The following ASXL1 variants were observed in gnomAD, a reference collection of about 807,000 sequenced individuals.
ASXL1 encodes the protein ASXL transcriptional regulator 1, also known as polycomb group protein ASXL1.
Under a neutral mutation model 89.1 loss-of-function variants are expected in ASXL1, and 65 were observed. The ratio of observed to expected loss-of-function variants is 0.73; its 90% confidence interval spans 0.60 to 0.90. The LOEUF (loss-of-function observed/expected upper bound fraction) is 0.90. ASXL1 is among the 40% of genes least tolerant of loss of function. The pLI is 0.00. For missense variants in ASXL1, 1,786 were observed against 1,942.9 expected (o/e 0.92, Z 1.52); for synonymous variants, 739 against 746.9 (o/e 0.99, Z 0.17).
chr20:32,412,043 C>T (rs1484823766), intron 4 of ASXL1, among the ~76,000 whole-genome samples: 1 of 152,144 alleles, frequency 6.6e-6, no homozygotes, highest in African/African-American at 2.4e-5. Context: ...TTTTCCCAGC[C>T]CCACTTCTAG....
At chr20:32,415,293 G>A (rs1025086630) in intron 4 of ASXL1, among the ~76,000 whole-genome samples, 4 of 152,106 alleles carry the variant, frequency 2.6e-5, no homozygotes, top group African/African-American at 9.7e-5. Flanking sequence ...ACAGGTGTGA[G>A]CCACCATGCC....
Position 32,437,553 on chromosome 20 carries a change from C to A in ASXL1, c.*215C>A. 3 of 666,374 alleles carry A rather than the reference C, an allele frequency of 4.5e-6. No homozygotes were observed. The highest frequency in any genetic ancestry group is 7.4e-6 in the Non-Finnish European group (3 of 405,886). The allele number at this position is 666,374 out of a possible 1,614,324, so 41.3% of individuals were successfully genotyped here. Reference sequence around the variant, plus strand: ...CCTGGGTATAACCCATTGGGCTGCCCAAGGCCAGCCAGCCTGAGCTCTCCT... The same window carrying A: ...CCTGGGTATAACCCATTGGGCTGCCAAAGGCCAGCCAGCCTGAGCTCTCCT... On this transcript the variant is annotated 3_prime_UTR_variant, in exon 13 of 13. Transcript: ENST00000375687.
In ASXL1 at chr20:32,439,285, TGTG is replaced by T; in HGVS notation, c.*1950_*1952del. On this transcript the variant is annotated 3_prime_UTR_variant, in exon 13 of 13. Transcript: ENST00000375687. ...GAAAGCACTGCTTCTGTATGTCTCT[TGTG>T]GTATTGGAACAATAAACCCGTACAA... The T allele has an allele frequency of 4.3e-6, 1 of 232,496 alleles. No homozygotes were observed. The highest frequency in any genetic ancestry group is 8.5e-6 in the Non-Finnish European group (1 of 117,330). 14.4% of individuals were successfully genotyped at this position (232,496 alleles called of 1,614,324 possible).
At chr20:32,399,970 C>G (rs890812945) in intron 4 of ASXL1, among the ~76,000 whole-genome samples, 2 of 151,938 alleles carry the variant, frequency 1.3e-5, no homozygotes, top group African/African-American at 4.8e-5. Flanking sequence ...CCATGTTGGC[C>G]AGGCTGGTCT....
intron 4 of ASXL1, among the ~76,000 whole-genome samples, chr20:32,403,004 TTC>T (rs1311608207): frequency 1.3e-5 from 2 of 152,182 alleles, no homozygotes; most frequent in Admixed American, 1.3e-4. Context: ...TAACAAAATT[TTC>T]TCTTTTTTTC....
Position 32,436,151 on chromosome 20 carries a change from C to G in ASXL1, c.3439C>G (p.Leu1147Val). The change falls in exon 13 of 13, where the codon CTA (leucine) becomes GTA (valine). Residue 1147 changes from leucine (L) to valine (V), a missense_variant. Physicochemically the swap from Leu to Val is conservative, Grantham distance 32. This residue lies in a region of ASXL1 where 1,418 missense variants were observed against 1,427.8 expected (regional missense o/e 0.99). Transcript: ENST00000375687. Reference protein sequence around the residue: ...PLTKDQSHGSLRMGSLHGLGK... With the variant: ...PLTKDQSHGSVRMGSLHGLGK... ...TACAAAAGACCAGAGCCATGGCTCG[C>G]TACGCATGGGATCTTTACATGGTCT... The G allele has an allele frequency of 6.2e-7, 1 of 1,614,206 alleles. No homozygotes were observed. The highest frequency in any genetic ancestry group is 8.5e-7 in the Non-Finnish European group (1 of 1,180,036).
In ASXL1 at chr20:32,429,716, A is replaced by G; in HGVS notation, c.566-185A>G. On this transcript the variant is annotated intron_variant, in intron 7 of 12. Coordinates refer to ENST00000375687, the MANE Select transcript of ASXL1 (RefSeq NM_015338.6). This position sits in a 1 kb window ranked among gnomAD's most constrained non-coding sequence, Gnocchi z 4.9. ...ATACAAATAAAGATGGCAGTTTGGC[A>G]CCTGTAAGGTGATATTTTAAAGCCA... 8 of 835,758 alleles carry G rather than the reference A, an allele frequency of 9.6e-6. No individual in the cohort carries two copies. The highest frequency in any genetic ancestry group is 3.7e-4 in the Middle Eastern group (1 of 2,738). The allele number at this position is 835,758 out of a possible 1,614,324, so 51.8% of individuals were successfully genotyped here. A position where few individuals can be genotyped will look rare whatever the true frequency, so the allele number is the denominator to read the frequency against.
At chr20:32,431,778 G>C (rs914509586) in intron 10 of ASXL1, 99 bp downstream of exon 10, 1 of 1,263,912 alleles carries the variant, frequency 7.9e-7, no homozygotes, top group African/African-American at 1.5e-5. Context: ...CTTCTCAAAG[G>C]GTTATTTAGT....
intron 4 of ASXL1, among the ~76,000 whole-genome samples, chr20:32,369,585 G>A (rs1047324291): frequency 6.6e-6 from 1 of 151,808 alleles, no homozygotes. Flanking sequence ...ACTTTGAGGT[G>A]TTCTAATATG....
chr20:32,436,374 C>A lies in ASXL1; in HGVS notation c.3662C>A (p.Thr1221Lys), dbSNP rs545612479. The A allele has an allele frequency of 1.0e-4, 165 of 1,613,734 alleles. 7 individuals are homozygous for A. In the South Asian group the frequency reaches 1.8e-3, roughly 17 times the overall value. ...CTCCATCCAGTGACAAATCCCATTA[C>A]ATCCTCTAGGAAACTGGAAGAAATG... is the stretch of plus-strand genomic sequence containing the variant. Reference protein sequence around the residue: ...DSLHPVTNPITSSRKLEEMDS... With the variant: ...DSLHPVTNPIKSSRKLEEMDS... The change falls in exon 13 of 13, where the codon ACA (threonine) becomes AAA (lysine). Residue 1221 changes from threonine (T) to lysine (K), a missense_variant. Transcript: ENST00000375687.
chr20:32,388,873 T>C lies in ASXL1; in HGVS notation c.252+19750T>C, dbSNP rs186898848. 3.3e-5 allele frequency among the ~76,000 whole-genome samples: 5 copies of C among 152,306 alleles called. No homozygotes were observed. In the East Asian group the frequency reaches 9.6e-4, roughly 29 times the overall value. ...GAATATATTGTTTTTACTTTCCTTG[T>C]TATGAAATATATAATTTATTTTAAA... is the stretch of plus-strand genomic sequence containing the variant. On this transcript the variant is annotated intron_variant, in intron 4 of 12. Coordinates refer to ENST00000375687, the MANE Select transcript of ASXL1 (RefSeq NM_015338.6).
intron 4 of ASXL1, among the ~76,000 whole-genome samples, chr20:32,403,736 A>G (rs2048912227): frequency 6.6e-6 from 1 of 152,182 alleles, no homozygotes; most frequent in African/African-American, 2.4e-5. Flanking sequence ...TTAGAATCAT[A>G]TTATCTACAA....
At chr20:32,382,279 G>T (rs2048501140) in intron 4 of ASXL1, among the ~76,000 whole-genome samples, 2 of 151,848 alleles carry the variant, frequency 1.3e-5, no homozygotes, top group African/African-American at 2.4e-5. Flanking sequence ...CCGGCCTCTT[G>T]CCCTCTTTAG....
chr20:32,379,532 A>G (rs1233854429), intron 4 of ASXL1, among the ~76,000 whole-genome samples: 2 of 151,588 alleles, frequency 1.3e-5, no homozygotes, highest in African/African-American at 2.4e-5. Context: ...TTGTTGTTAC[A>G]TAAGATGTCA....
rs376070210 is a variant in ASXL1, at chr20:32,436,652, C to T, written c.3940C>T (p.Leu1314Phe). 10 of 1,613,932 alleles carry T rather than the reference C, an allele frequency of 6.2e-6. No homozygotes were observed. The African/African-American group carries it at 1.2e-4, about 19-fold the overall frequency. ...LFGSGNVAATLQRPRPADPMP... is the reference protein window; with the variant it reads ...LFGSGNVAATFQRPRPADPMP... ...TGGCTCTGGGAATGTGGCTGCAACC[C>T]TTCAGCGCCCCAGGCCTGCGGACCC... is the stretch of plus-strand genomic sequence containing the variant. The change falls in exon 13 of 13, where the codon CTT becomes TTT. Residue 1314 changes from leucine to phenylalanine, a missense_variant. Leu to Phe is a conservative substitution (Grantham distance 22, BLOSUM62 0). This residue lies in a region of ASXL1 where 1,418 missense variants were observed against 1,427.8 expected (regional missense o/e 0.99). Coordinates refer to ENST00000375687, the MANE Select transcript of ASXL1 (RefSeq NM_015338.6).
intron 4 of ASXL1, among the ~76,000 whole-genome samples, chr20:32,409,185 G>A (rs2049004605): frequency 6.6e-6 from 1 of 152,046 alleles, no homozygotes; most frequent in Non-Finnish European, 1.5e-5. Context: ...ATGTTGGCCA[G>A]GCTGTTCTCA....
chr20:32,433,483 G>T lies in ASXL1; in HGVS notation c.1285G>T (p.Glu429Ter). 3 of 1,614,176 alleles carry T rather than the reference G, an allele frequency of 1.9e-6. No individual in the cohort carries two copies. The highest frequency in any genetic ancestry group is 2.5e-6 in the Non-Finnish European group (3 of 1,180,032). The change falls in exon 12 of 13, where the codon GAG (glutamate) becomes TAG (stop). Residue 429 changes from glutamate to a stop codon, truncating the protein, a stop_gained. Transcript: ENST00000375687. LOFTEE classifies it high-confidence loss of function. ...CAGAAGGAATCTGTACAAAAAACAG[G>T]AGTCAGAACAAGCAGGGGTTGCTAA... ...RARRNLYKKQ[E>*]SEQAGVAKDA... is the part of the protein sequence containing the mutation.
At chr20:32,379,894 T>TA (rs2048457700) in intron 4 of ASXL1, among the ~76,000 whole-genome samples, 1 of 150,602 alleles carries the variant, frequency 6.6e-6, no homozygotes, top group East Asian at 1.9e-4. Context: ...CATGTGATGA[T>TA]ATATGGTTCA....
At position 32,437,132 on chromosome 20, in the gene ASXL1, C is replaced by T. The variant is rs2011965436; in HGVS notation, c.4420C>T (p.Leu1474=). The change falls in exon 13 of 13, where the codon CTG becomes TTG. Residue 1474 remains leucine (L), a synonymous_variant. Coordinates refer to ENST00000375687, the MANE Select transcript of ASXL1 (RefSeq NM_015338.6). ...AGGCCTTGCTGGAAGTGTGGTGCAG[C>T]TGAGCCACAAAGCAAACTTTGGTGC... ...PKGLAGSVVQ[L]SHKANFGASH... is the part of the protein sequence containing the mutation. 21 of 1,614,210 alleles carry T rather than the reference C, an allele frequency of 1.3e-5. No individual in the cohort carries two copies. The highest frequency in any genetic ancestry group is 1.6e-5 in the Non-Finnish European group (19 of 1,180,040).
Sources: allele counts gnomAD v4.1 joint callset (sites outside exome capture counted in the v4.1 genomes callset), GRCh38; gene constraint gnomAD v4.1.1; regional missense constraint gnomAD v4.1.1; non-coding constraint Gnocchi (gnomAD v3.1); transcripts MANE v1.5; gene names NCBI Gene and HGNC (gene_info 2026-07-23, HGNC 2026-07-21).